Variants in MSRA observed in about 807,000 individuals in gnomAD.
MSRA encodes the protein methionine sulfoxide reductase A, also known as mitochondrial peptide methionine sulfoxide reductase.
Under a neutral mutation model 31.3 loss-of-function variants are expected in MSRA, and 54 were observed. The observed-to-expected ratio is 1.73, with a 90% confidence interval of 1.39 to 2.17. The LOEUF is 2.17. MSRA is among the 30% of genes most tolerant of loss of function. MSRA has a pLI of 0.00. For missense variants in MSRA, 507 were observed against 300.9 expected, an observed-to-expected ratio of 1.69 and a Z score of -5.07; for synonymous variants, 169 against 116.5, an observed-to-expected ratio of 1.45 and a Z score of -2.90.
At chr8:10,251,427 T>G (rs1205230731) in intron 3 of MSRA, among the ~76,000 whole-genome samples, 1 of 152,176 alleles carries the variant, frequency 6.6e-6, no homozygotes, top group Non-Finnish European at 1.5e-5. Flanking sequence ...CATTTCAATG[T>G]CAGTCAAGGT....
At chr8:10,204,588 C>T (rs1262192478) in intron 1 of MSRA, among the ~76,000 whole-genome samples, 2 of 152,332 alleles carry the variant, frequency 1.3e-5, no homozygotes, top group East Asian at 1.9e-4. Flanking sequence ...ATAGCCATAG[C>T]TTAGGTGTGT....
intron 1 of MSRA, among the ~76,000 whole-genome samples, chr8:10,122,841 C>G (rs572520352): frequency 1.4e-3 from 206 of 152,260 alleles, no homozygotes; most frequent in African/African-American, 4.5e-3. Flanking sequence ...CCAGCTCCAT[C>G]CATGTTGCTG....
At chr8:10,424,879 T>A (rs1809039761) in intron 5 of MSRA, among the ~76,000 whole-genome samples, 1 of 152,200 alleles carries the variant, frequency 6.6e-6, no homozygotes. Flanking sequence ...TGCTGTCACT[T>A]GTGCCGCACA....
In MSRA at chr8:10,235,380, C is replaced by G. The variant is rs188562246; in HGVS notation, c.212-9724C>G. Among the ~76,000 whole-genome samples, 760 of 152,164 alleles carry G rather than the reference C, an allele frequency of 5.0e-3. 5 individuals carry two copies. The highest frequency in any genetic ancestry group is 7.6e-3 in the Non-Finnish European group (519 of 67,938). On this transcript the variant is annotated intron_variant, in intron 2 of 5. Coordinates refer to ENST00000317173, the MANE Select transcript of MSRA (RefSeq NM_012331.5). ...GAATGGCAATGAAAGTACTACATAT[C>G]TATACGTGAGATGTATCTAGAACAA... is the stretch of plus-strand genomic sequence containing the variant.
At chr8:10,388,101 C>G (rs938545082) in intron 5 of MSRA, among the ~76,000 whole-genome samples, 2 of 152,150 alleles carry the variant, frequency 1.3e-5, no homozygotes, top group Non-Finnish European at 2.9e-5. Context: ...AGTTTATTAA[C>G]ATGTACATCT....
At chr8:10,170,042 ATTTTT>A (rs59946635) in intron 1 of MSRA, among the ~76,000 whole-genome samples, 11 of 90,368 alleles carry the variant, frequency 1.2e-4, no homozygotes, top group South Asian at 7.2e-4. Flanking sequence ...CCTGGCTAAT[ATTTTT>A]TTTTTTTTTT....
intron 5 of MSRA, among the ~76,000 whole-genome samples, chr8:10,377,615 A>G (rs1343170606): frequency 6.6e-6 from 1 of 152,120 alleles, no homozygotes; most frequent in African/African-American, 2.4e-5. Flanking sequence ...GTGAGATGTA[A>G]TACCAAAATG....
intron 2 of MSRA, among the ~76,000 whole-genome samples, chr8:10,211,968 G>C (rs1197020406): frequency 6.6e-6 from 1 of 152,066 alleles, no homozygotes; most frequent in African/African-American, 2.4e-5. Context: ...GTGGAAAATG[G>C]AGGGCAGGGG....
At position 10,368,376 on chromosome 8, in the gene MSRA, G is replaced by A. The variant is rs568923322; in HGVS notation, c.543+48387G>A. On this transcript the variant is annotated intron_variant, in intron 5 of 5. Coordinates refer to ENST00000317173, the MANE Select transcript of MSRA (RefSeq NM_012331.5). ...AGATGTGCAGATAAGATGGAGTGCA[G>A]CACTATCATTTGATTTGCTAAAAGA... 2.0e-5 allele frequency among the ~76,000 whole-genome samples: 3 copies of A among 152,360 alleles called. 1 individual carries two copies. Among genetic ancestry groups the A allele is most frequent in the African/African-American group, 7.2e-5 (3 of 41,580 alleles).
intron 1 of MSRA, among the ~76,000 whole-genome samples, chr8:10,197,740 C>T (rs1336393240): frequency 6.6e-6 from 1 of 152,148 alleles, no homozygotes; most frequent in Non-Finnish European, 1.5e-5. Flanking sequence ...CAGAAGCCCT[C>T]TCCAAGACAG....
intron 2 of MSRA, among the ~76,000 whole-genome samples, chr8:10,238,602 G>C (rs1279090692): frequency 6.6e-6 from 1 of 152,288 alleles, no homozygotes; most frequent in African/African-American, 2.4e-5. Context: ...AGAAAGCCCA[G>C]AAACGGGACT....
chr8:10,421,517 C>T (rs1197521954), intron 5 of MSRA, among the ~76,000 whole-genome samples: 1 of 151,920 alleles, frequency 6.6e-6, no homozygotes, highest in African/African-American at 2.4e-5. Flanking sequence ...GTGTCACCTC[C>T]ATGTAATAGG....
chr8:10,163,949 A>G (rs1436302453), intron 1 of MSRA, among the ~76,000 whole-genome samples: 7 of 152,212 alleles, frequency 4.6e-5, no homozygotes, highest in Admixed American at 3.3e-4. Flanking sequence ...CTGTCTCCAT[A>G]TTCTGAGTCC....
intron 1 of MSRA, among the ~76,000 whole-genome samples, chr8:10,140,792 C>A (rs1044297138): frequency 1.3e-5 from 2 of 151,918 alleles, no homozygotes; most frequent in African/African-American, 4.8e-5. Context: ...AAAATAAGAA[C>A]AGGGACATAA....
chr8:10,058,761 C>G (rs956279983), intron 1 of MSRA, among the ~76,000 whole-genome samples: 2 of 152,200 alleles, frequency 1.3e-5, no homozygotes, highest in Non-Finnish European at 2.9e-5. Flanking sequence ...GCACTGTTAG[C>G]AAAATTTTGG....
intron 1 of MSRA, among the ~76,000 whole-genome samples, chr8:10,091,766 C>A (rs754662670): frequency 1.4e-4 from 22 of 152,050 alleles, no homozygotes; most frequent in Non-Finnish European, 2.8e-4. Flanking sequence ...GCCACCACAC[C>A]CCGCTAATTT....
At chr8:10,364,633 G>A (rs1805052193) in intron 5 of MSRA, among the ~76,000 whole-genome samples, 2 of 152,196 alleles carry the variant, frequency 1.3e-5, no homozygotes, top group African/African-American at 4.8e-5. Context: ...ACGATTTGTG[G>A]TTTGCAGTGT....
intron 1 of MSRA, among the ~76,000 whole-genome samples, chr8:10,198,247 G>A (rs774498073): frequency 6.6e-6 from 1 of 152,028 alleles, no homozygotes; most frequent in Non-Finnish European, 1.5e-5. Context: ...CACGACTACA[G>A]CATCACCATG....
At chr8:10,087,251 A>T (rs1305893193) in intron 1 of MSRA, among the ~76,000 whole-genome samples, 1 of 152,192 alleles carries the variant, frequency 6.6e-6, no homozygotes, top group Non-Finnish European at 1.5e-5. Flanking sequence ...ATGTTGGTGG[A>T]TGACTCATGA....
Sources: allele counts gnomAD v4.1 joint callset (sites outside exome capture counted in the v4.1 genomes callset), GRCh38; gene constraint gnomAD v4.1.1; transcripts MANE v1.5; gene names NCBI Gene and HGNC (gene_info 2026-07-23, HGNC 2026-07-21).